The following LRRC71 variants were observed in gnomAD, a reference collection of about 807,000 sequenced individuals.
LRRC71 encodes the protein leucine rich repeat containing 71.
In LRRC71, 54 loss-of-function variants were observed where a neutral mutation model predicts 66.6. The observed-to-expected ratio is 0.81, with a 90% CI of 0.65 to 1.02. The LOEUF (loss-of-function observed/expected upper bound fraction) is 1.02, where lower values mean the gene tolerates loss of function less well. Among genes scored for constraint, LRRC71 ranks in the 50% least tolerant of loss-of-function variants. The probability of loss-of-function intolerance (pLI) is 0.00; values close to 1 mark genes in which losing one functional copy is unlikely to be tolerated. For missense variants in LRRC71, 724 were observed against 718.0 expected, an observed-to-expected ratio of 1.01 and a Z score of -0.10; for synonymous variants, 323 against 303.9, an observed-to-expected ratio of 1.06 and a Z score of -0.65.
At chr1:156,938,442 C>T in the LRRC71 span, 9 of 1,613,832 alleles carry the variant, frequency 5.6e-6, no homozygotes, top group South Asian at 8.8e-5. Flanking sequence ...CCGCCTTCCA[C>T]TTCAGGTGGC....
chr1:156,928,411 T>TTCTTCTTCTTCTTCTTCTTCC (rs1653667357), intron 9 of LRRC71, among the ~76,000 whole-genome samples: 1 of 122,372 alleles, frequency 8.2e-6, no homozygotes, highest in Non-Finnish European at 1.7e-5. Flanking sequence ...CTTCTTCCTC[T>TTCTTCTTCTTCTTCTTCTTCC]TATTCCTCCT....
At chr1:156,936,062 TGGGA>T, downstream of LRRC71, 3 of 1,614,020 alleles carry the variant, frequency 1.9e-6, no homozygotes, top group Non-Finnish European at 2.5e-6. Context: ...TCAGAGCCTG[TGGGA>T]GGAGGATGAA....
In LRRC71 at chr1:156,929,665, G is replaced by A. The variant is rs770590881; in HGVS notation, c.1176G>A (p.Gly392=). ...WELAKKEEKL[G]SGQSPTQGTP... The stretch of plus-strand genomic sequence containing the variant: ...TGGCCAAGAAAGAGGAGAAGTTGGG[G>A]TCTGGGCAGTCACCCACACAAGGAA... The change falls in exon 11 of 15, where the codon GGG becomes GGA. Residue 392 remains glycine (G), a synonymous_variant. Transcript: ENST00000337428. The A allele has an allele frequency of 6.9e-6, 11 of 1,586,798 alleles. No homozygotes were observed. In the African/African-American group the frequency reaches 1.5e-4, roughly 21 times the overall value.
At chr1:156,928,998 CT>C (rs1344027015) in intron 9 of LRRC71, among the ~76,000 whole-genome samples, 1 of 152,192 alleles carries the variant, frequency 6.6e-6, no homozygotes, top group Non-Finnish European at 1.5e-5. Context: ...GCACCTGGCA[CT>C]TAGCTCAATA....
At chr1:156,928,777 A>G (rs918767834) in intron 9 of LRRC71, among the ~76,000 whole-genome samples, 1 of 151,132 alleles carries the variant, frequency 6.6e-6, no homozygotes, top group Non-Finnish European at 1.5e-5. Context: ...CGCTATGTTG[A>G]CCAGGCTGGT....
intron 11 of LRRC71, among the ~76,000 whole-genome samples, chr1:156,930,064 C>T (rs868012601): frequency 3.3e-4 from 32 of 95,546 alleles, no homozygotes; most frequent in African/African-American, 1.2e-3. Flanking sequence ...CTTTCTTTTT[C>T]TTTCTTTCTT....
downstream of LRRC71, among the ~76,000 whole-genome samples, chr1:156,937,818 A>G (rs1343432152): frequency 6.6e-6 from 1 of 152,138 alleles, no homozygotes; most frequent in Non-Finnish European, 1.5e-5. Context: ...ACAGATTGTG[A>G]GCTGGTTTCA....
chr1:156,924,339 C>CA, intron 2 of LRRC71, 85 bp from the exon 3 acceptor site: 1 of 1,496,656 alleles, frequency 6.7e-7, no homozygotes, highest in East Asian at 2.5e-5. Context: ...CGGTGTCCTC[C>CA]AATCCCACCC....
At position 156,920,793 on chromosome 1, in the gene LRRC71, A is replaced by G; in HGVS notation, c.-11A>G. On this transcript the variant is annotated 5_prime_UTR_variant, in exon 1 of 15. Transcript: ENST00000337428. The surrounding 1 kb of genome is among the most constrained non-coding windows in gnomAD (Gnocchi z 4.9). ...GACGAAGGTCCCAGAGACGCTGCGG[A>G]CAACACCAGCATGTCGAGCGAGCAG... 4.6e-6 allele frequency: 7 copies of G among 1,507,510 alleles called. No individual in the cohort carries two copies. Among genetic ancestry groups the G allele is most frequent in the Non-Finnish European group, 6.2e-6 (7 of 1,124,628 alleles). The allele number at this position is 1,507,510 out of a possible 1,614,324, so 93.4% of individuals were successfully genotyped here.
At chr1:156,940,035 G>A in the LRRC71 span, 1 of 1,476,356 alleles carries the variant, frequency 6.8e-7, no homozygotes, top group Non-Finnish European at 9.0e-7. Context: ...GAGGGCTCTG[G>A]CCAACTAGCT....
In LRRC71 at chr1:156,932,936, CAGGG is replaced by C; in HGVS notation, c.1651_1654del (p.Glu551MetfsTer17). The C allele has an allele frequency of 6.3e-7, 1 of 1,593,606 alleles. No individual in the cohort carries two copies. Among genetic ancestry groups the C allele is most frequent in the Non-Finnish European group, 8.5e-7 (1 of 1,169,692 alleles). ...CAAGGGATCCCATCAAGGCCAAACT[CAGGG>C]AGGATGAGGCCATGGCATTCTTCCC... On this transcript the variant is annotated frameshift_variant, in exon 15 of 15. Transcript: ENST00000337428. LOFTEE classifies it high-confidence loss of function.
intron 14 of LRRC71, 46 bp from the exon 15 acceptor site, chr1:156,932,807 A>G (rs1215799868): frequency 1.3e-6 from 2 of 1,529,424 alleles, no homozygotes; most frequent in African/African-American, 2.8e-5. Context: ...CCAGAGGACT[A>G]ATCTTCATTC....
the LRRC71 span, among the ~76,000 whole-genome samples, chr1:156,938,100 G>A: frequency 6.6e-6 from 1 of 152,198 alleles, no homozygotes; most frequent in African/African-American, 2.4e-5. Flanking sequence ...GGAAGTGGCT[G>A]CTTGCATATC....
At chr1:156,932,677 T>C in intron 14 of LRRC71, 132 bp downstream of exon 14, 1 of 1,591,856 alleles carries the variant, frequency 6.3e-7, no homozygotes, top group Non-Finnish European at 8.6e-7. Flanking sequence ...TTCTTTTTAA[T>C]AATCACAACA....
chr1:156,926,040 A>G (rs961838144), intron 5 of LRRC71, among the ~76,000 whole-genome samples: 5 of 152,218 alleles, frequency 3.3e-5, no homozygotes, highest in African/African-American at 1.2e-4. Flanking sequence ...ATAAGAAATC[A>G]TGGGAGCAAA....
chr1:156,936,481 A>AG (rs1491450778), downstream of LRRC71, among the ~76,000 whole-genome samples: 23 of 59,712 alleles, frequency 3.9e-4, no homozygotes, highest in African/African-American at 2.2e-3. Flanking sequence ...AAATAAATAG[A>AG]AAAAAAAAAA....
At chr1:156,938,259 T>A in the LRRC71 span, among the ~76,000 whole-genome samples, 9 of 152,166 alleles carry the variant, frequency 5.9e-5, no homozygotes, top group Non-Finnish European at 1.2e-4. Flanking sequence ...TAGAACCAGA[T>A]CTCCCCGTCT....
At chr1:156,928,790 C>T (rs868186764) in intron 9 of LRRC71, among the ~76,000 whole-genome samples, 4 of 151,810 alleles carry the variant, frequency 2.6e-5, no homozygotes, top group South Asian at 2.1e-4. Flanking sequence ...AGGCTGGTCT[C>T]GAACTCCTGG....
the LRRC71 span, chr1:156,940,443 A>T: frequency 6.3e-7 from 1 of 1,588,266 alleles, no homozygotes; most frequent in Non-Finnish European, 8.6e-7. Flanking sequence ...GGATGAGAGA[A>T]GATTGTAAGG....
Sources: allele counts gnomAD v4.1 joint callset (sites outside exome capture counted in the v4.1 genomes callset), GRCh38; gene constraint gnomAD v4.1.1; non-coding constraint Gnocchi (gnomAD v3.1); transcripts MANE v1.5; gene names NCBI Gene and HGNC (gene_info 2026-07-23, HGNC 2026-07-21).